Variants in CSNK1E observed in about 807,000 individuals in gnomAD.
CSNK1E encodes casein kinase I isoform epsilon.
In CSNK1E, 17 loss-of-function variants were observed where a neutral mutation model predicts 46.1. The ratio of observed to expected loss-of-function variants is 0.37; its 90% CI spans 0.25 to 0.55. CSNK1E has a LOEUF of 0.55. CSNK1E is among the 20% of genes least tolerant of loss of function. CSNK1E has a pLI of 0.82. For missense variants in CSNK1E, 386 were observed against 595.4 expected, an observed-to-expected ratio of 0.65 and a Z score of 3.66; for synonymous variants, 241 against 242.6, an observed-to-expected ratio of 0.99 and a Z score of 0.06.
Position 38,294,235 on chromosome 22 carries a change from G to A in CSNK1E, c.1092C>T (p.Pro364=), listed in dbSNP as rs1036423524. ...CCCGGTCGACCCGCGAGATCGCTCT[G>A]GGAGAAGTATTGCCTGGAGGGAGAG... ...SRIQPAGNTS[P]RAISRVDRER... Residue 364 remains proline, a synonymous_variant, in exon 9 of 11, where the codon CCC becomes CCT. Transcript: ENST00000396832. The surrounding 1 kb of genome is among the most constrained non-coding windows in gnomAD (Gnocchi z 5.5). 3.7e-6 allele frequency: 6 copies of A among 1,612,420 alleles called. No homozygotes were observed. Among genetic ancestry groups the A allele is most frequent in the Non-Finnish European group, 5.1e-6 (6 of 1,179,938 alleles).
chr22:38,306,623 C>T (rs899770162), intron 2 of CSNK1E, among the ~76,000 whole-genome samples: 5 of 151,970 alleles, frequency 3.3e-5, no homozygotes, highest in Non-Finnish European at 7.4e-5. Context: ...CCCAGCTACT[C>T]GGCAGGCTGA....
chr22:38,299,738 G>A (rs908976062), intron 6 of CSNK1E, among the ~76,000 whole-genome samples, 157 bp downstream of exon 6: 1 of 152,230 alleles, frequency 6.6e-6, no homozygotes, highest in African/African-American at 2.4e-5. Flanking sequence ...TCGACCTCCT[G>A]ACCTCATGAT....
At chr22:38,296,350 C>T in intron 7 of CSNK1E, 1 of 1,375,146 alleles carries the variant, frequency 7.3e-7, no homozygotes, top group Non-Finnish European at 9.4e-7. Flanking sequence ...AACACAGTGG[C>T]TGTATGTGCT....
chr22:38,314,327 C>G lies in CSNK1E; in HGVS notation c.-12-158G>C, dbSNP rs540096910. On this transcript the variant is annotated intron_variant, in intron 1 of 10. Transcript: ENST00000396832. Reference sequence around the variant, plus strand: ...GGTGGCCCACAGCCTGCACTCCACACACCTGGGGAACAGCTAAGGCAGGCT... The same window carrying G: ...GGTGGCCCACAGCCTGCACTCCACAGACCTGGGGAACAGCTAAGGCAGGCT... Among the ~76,000 whole-genome samples the G allele has an allele frequency of 2.0e-5, 3 of 152,380 alleles. No individual in the cohort carries two copies. In the East Asian group the frequency reaches 5.8e-4, roughly 29 times the overall value.
intron 2 of CSNK1E, among the ~76,000 whole-genome samples, chr22:38,306,592 G>A (rs868314001): frequency 1.5e-4 from 23 of 152,196 alleles, no homozygotes; most frequent in African/African-American, 4.6e-4. Context: ...TTAGCTGGGC[G>A]TAGTGGCGCA....
At chr22:38,316,789 C>G (rs562570500) in intron 1 of CSNK1E, 1 of 152,222 alleles carries the variant, frequency 6.6e-6, no homozygotes, top group South Asian at 2.1e-4. Context: ...TACGCGGGCC[C>G]GAATCAACAG....
At position 38,294,464 on chromosome 22, in the gene CSNK1E, T is replaced by C. The variant is rs909473147; in HGVS notation, c.956A>G (p.Gln319Arg). The change falls in exon 8 of 11, where the codon CAG becomes CGG. Residue 319 changes from glutamine (Q) to arginine (R), a missense_variant. Physicochemically the swap from Gln to Arg is conservative, Grantham distance 43. Around this residue, in one of 2 missense-constraint regions of CSNK1E, gnomAD observed 174 missense variants for 185.2 expected, o/e 0.94. Coordinates refer to ENST00000396832, the MANE Select transcript of CSNK1E (RefSeq NM_152221.3). The surrounding 1 kb of genome is among the most constrained non-coding windows in gnomAD (Gnocchi z 5.5). ...GGCTCGGGTCGCGGACCCCCGTAGC[T>C]GCCCCATCCTCTCCTCGCGTTCGTG... The part of the protein sequence containing the change: ...REHEREERMG[Q>R]LRGSATRALP... 2 of 1,585,680 alleles carry C rather than the reference T, an allele frequency of 1.3e-6. No homozygotes were observed. The highest frequency in any genetic ancestry group is 1.7e-6 in the Non-Finnish European group (2 of 1,167,878).
intron 1 of CSNK1E, among the ~76,000 whole-genome samples, chr22:38,316,244 CCT>C (rs879838945): frequency 2.0e-5 from 3 of 152,206 alleles, no homozygotes; most frequent in Non-Finnish European, 2.9e-5. Context: ...ATCGCCTACC[CCT>C]GAGCCGGGGC....
chr22:38,305,956 G>C (rs1198254780), intron 2 of CSNK1E, among the ~76,000 whole-genome samples: 1 of 152,144 alleles, frequency 6.6e-6, no homozygotes, highest in Admixed American at 6.5e-5. Context: ...CAAGGCTGTC[G>C]GCTGCAGGCT....
At chr22:38,316,242 C>T (rs2073929872) in intron 1 of CSNK1E, among the ~76,000 whole-genome samples, 4 of 152,224 alleles carry the variant, frequency 2.6e-5, no homozygotes, top group South Asian at 4.1e-4. Context: ...CCATCGCCTA[C>T]CCCTGAGCCG....
At chr22:38,297,703 T>C (rs1270055568) in intron 7 of CSNK1E, 4 of 994,632 alleles carry the variant, frequency 4.0e-6, no homozygotes, top group Non-Finnish European at 3.6e-6. Context: ...CCAGGCCCCT[T>C]GTGGGCAGTG....
At chr22:38,302,625 C>T (rs1015350792) in intron 4 of CSNK1E, among the ~76,000 whole-genome samples, 2 of 152,176 alleles carry the variant, frequency 1.3e-5, no homozygotes, top group Admixed American at 1.3e-4. Context: ...GCAGGAGAAT[C>T]GCGTGAACCT....
rs2092630326 is a variant in CSNK1E, at chr22:38,294,610, C to T, written c.886-76G>A. The T allele has an allele frequency of 1.4e-5, 19 of 1,402,088 alleles. No homozygotes were observed. The South Asian group carries it at 2.4e-4, about 18-fold the overall frequency. The allele number at this position is 1,402,088 out of a possible 1,614,324, so 86.9% of individuals were successfully genotyped here. ...CTGGGCCCAGCAGCCCTGCAGGGCACAGAAGGGGAGGGAGGCCAGGTGGAT... is the reference window on the plus strand; with the variant it reads ...CTGGGCCCAGCAGCCCTGCAGGGCATAGAAGGGGAGGGAGGCCAGGTGGAT... On this transcript the variant is annotated intron_variant, in intron 7 of 10. Coordinates refer to ENST00000396832, the MANE Select transcript of CSNK1E (RefSeq NM_152221.3). The surrounding 1 kb of genome is among the most constrained non-coding windows in gnomAD (Gnocchi z 5.5).
At chr22:38,315,263 G>A (rs972468339) in intron 1 of CSNK1E, among the ~76,000 whole-genome samples, 1 of 152,248 alleles carries the variant, frequency 6.6e-6, no homozygotes, top group Non-Finnish European at 1.5e-5. Context: ...CCCCTTGCCC[G>A]TGCCAAGTGC....
At position 38,300,980 on chromosome 22, in the gene CSNK1E, A is replaced by G; in HGVS notation, c.337-28T>C. The G allele has an allele frequency of 6.3e-7, 1 of 1,596,912 alleles. No individual in the cohort carries two copies. The highest frequency in any genetic ancestry group is 8.6e-7 in the Non-Finnish European group (1 of 1,164,576). On this transcript the variant is annotated intron_variant, in intron 4 of 10. Transcript: ENST00000396832. This position sits in a 1 kb window ranked among gnomAD's most constrained non-coding sequence, Gnocchi z 4.4. ...GGGGAGGAGGGGGGCCATTTGTTCA[A>G]CAGAGGGGCCCTTGCCTAGCACTCT... is the stretch of plus-strand genomic sequence containing the variant.
chr22:38,298,211 A>G lies in CSNK1E; in HGVS notation c.885+575T>C, dbSNP rs1428023358. ...CTGGCTCGAGGAAGCCCCCTTTTCC[A>G]GAAGAGATGTGAAACAAGACATACA... is the stretch of plus-strand genomic sequence containing the variant. On this transcript the variant is annotated intron_variant, in intron 7 of 10. Transcript: ENST00000396832. The surrounding 1 kb of genome is among the most constrained non-coding windows in gnomAD (Gnocchi z 4.2). 7 of 1,303,392 alleles carry G rather than the reference A, an allele frequency of 5.4e-6. No homozygotes were observed. The East Asian group carries it at 3.9e-4, about 72-fold the overall frequency. 80.7% of individuals were successfully genotyped at this position (1,303,392 alleles called of 1,614,324 possible).
At chr22:38,317,862 C>T (rs2092756613), upstream of CSNK1E, 1 of 152,272 alleles carries the variant, frequency 6.6e-6, no homozygotes, top group African/African-American at 2.4e-5. Flanking sequence ...CTGCTGGAGG[C>T]TCAGTCCGCC....
In CSNK1E at chr22:38,303,008, C is replaced by T; in HGVS notation, c.189G>A (p.Val63=). ...CGCACCACTTGATGGACGGGATCCCCACTGGGGGTCAAGCAGAGGGCCTCT... is the reference window on the plus strand; with the variant it reads ...CGCACCACTTGATGGACGGGATCCCTACTGGGGGTCAAGCAGAGGGCCTCT... ...SKFYKMMQGG[V]GIPSIKWCGA... is the part of the protein sequence containing the mutation. The change falls in exon 4 of 11, where the codon GTG becomes GTA. Residue 63 remains valine, a splice_region_variant and synonymous_variant. Transcript: ENST00000396832. This position sits in a 1 kb window ranked among gnomAD's most constrained non-coding sequence, Gnocchi z 4.7. The T allele has an allele frequency of 6.2e-7, 1 of 1,613,400 alleles. No homozygotes were observed. The highest frequency in any genetic ancestry group is 8.5e-7 in the Non-Finnish European group (1 of 1,179,838).
At chr22:38,296,508 G>A in intron 7 of CSNK1E, 2 of 1,586,232 alleles carry the variant, frequency 1.3e-6, no homozygotes, top group Admixed American at 1.8e-5. Flanking sequence ...AGGTGCTTCT[G>A]CCAGGGGACT....
Sources: gnomAD v4.1 joint callset for allele counts (sites outside exome capture counted in the v4.1 genomes callset) on GRCh38, gnomAD v4.1.1 for gene constraint, gnomAD v4.1.1 regional missense constraint, Gnocchi (gnomAD v3.1) non-coding constraint, MANE v1.5 for transcripts, NCBI Gene and HGNC (gene_info 2026-07-23, HGNC 2026-07-21) for gene names.